Variants in MAGI2 observed in about 807,000 individuals in gnomAD.
MAGI2 encodes membrane-associated guanylate kinase, WW and PDZ domain-containing protein 2.
Under a neutral mutation model 133.3 loss-of-function variants are expected in MAGI2, and 35 were observed. That is an observed-to-expected ratio of 0.26 (90% CI 0.20 to 0.35). The LOEUF is 0.35. MAGI2 is among the 10% of genes least tolerant of loss of function. The probability of loss-of-function intolerance (pLI) is 1.00; values close to 1 mark genes in which losing one functional copy is unlikely to be tolerated. For missense variants in MAGI2, 1,636 were observed against 1,863.4 expected (o/e 0.88, Z 2.25); for synonymous variants, 729 against 710.6 (o/e 1.03, Z -0.41).
intron 9 of MAGI2, among the ~76,000 whole-genome samples, chr7:78,308,441 C>T (rs1370178793): frequency 6.6e-6 from 1 of 152,050 alleles, no homozygotes; most frequent in East Asian, 1.9e-4. Flanking sequence ...AATTAAAAGG[C>T]TTCTTATTTA....
At chr7:78,329,246 C>A (rs1788921000) in intron 9 of MAGI2, among the ~76,000 whole-genome samples, 3 of 152,180 alleles carry the variant, frequency 2.0e-5, no homozygotes. Flanking sequence ...CTCCAGTGCA[C>A]TCTATCTGTA....
At chr7:79,019,403 T>C (rs1011225238) in intron 1 of MAGI2, among the ~76,000 whole-genome samples, 1 of 152,136 alleles carries the variant, frequency 6.6e-6, no homozygotes, top group African/African-American at 2.4e-5. Flanking sequence ...TCATTCTCTA[T>C]CCTGCCACCC....
In MAGI2 at chr7:78,256,584, G is replaced by GT; in HGVS notation, c.1409-4dup. 4 of 1,600,170 alleles carry GT rather than the reference G, an allele frequency of 2.5e-6. No homozygotes were observed. In the South Asian group the frequency reaches 4.5e-5, roughly 18 times the overall value. On this transcript the variant is annotated splice_polypyrimidine_tract_variant and splice_region_variant and intron_variant, in intron 9 of 21. Transcript: ENST00000354212. The stretch of plus-strand genomic sequence containing the variant: ...ATTAATATAGACAATGACATCACCT[G>GT]TAAGAAAAAAAGAGATTGACAACAT...
Position 79,437,842 on chromosome 7 carries a change from A to G in MAGI2, c.301+15178T>C, listed in dbSNP as rs547903292. On this transcript the variant is annotated intron_variant, in intron 1 of 21. Coordinates refer to ENST00000354212, the MANE Select transcript of MAGI2 (RefSeq NM_012301.4). Reference sequence around the variant, plus strand: ...AGTAAAAATGTTATCTTTAGTGTTTATAAGTGATAAATTAATATTCTGTAT... The same window carrying G: ...AGTAAAAATGTTATCTTTAGTGTTTGTAAGTGATAAATTAATATTCTGTAT... Among the ~76,000 whole-genome samples the G allele has an allele frequency of 2.7e-4, 41 of 152,302 alleles. 1 individual carries two copies. The Middle Eastern group carries it at 0.017, about 63-fold the overall frequency.
At position 78,702,378 on chromosome 7, in the gene MAGI2, G is replaced by T. The variant is rs1818168070; in HGVS notation, c.419-75139C>A. Among the ~76,000 whole-genome samples the T allele has an allele frequency of 1.3e-5, 2 of 151,918 alleles. 1 individual carries two copies. Among genetic ancestry groups the T allele is most frequent in the South Asian group, 4.1e-4 (2 of 4,834 alleles). On this transcript the variant is annotated intron_variant, in intron 2 of 21. Coordinates refer to ENST00000354212, the MANE Select transcript of MAGI2 (RefSeq NM_012301.4). ...GTAATGTATAAAACATTACAAGCAA[G>T]AGTAAGGATTCCTAATACTTCTTGA...
chr7:78,739,744 C>T (rs1822210959), intron 2 of MAGI2, among the ~76,000 whole-genome samples: 1 of 152,112 alleles, frequency 6.6e-6, no homozygotes, highest in Admixed American at 6.5e-5. Context: ...CACACCTCCT[C>T]GGCAAATGGT....
At chr7:79,179,989 C>A (rs947274178) in intron 1 of MAGI2, among the ~76,000 whole-genome samples, 2 of 152,030 alleles carry the variant, frequency 1.3e-5, no homozygotes, top group African/African-American at 4.8e-5. Flanking sequence ...AAGAAGCAAC[C>A]TGTTGAATGG....
chr7:78,687,969 TAAAAAAAAAAAAAA>T (rs72030909), intron 2 of MAGI2, among the ~76,000 whole-genome samples: 6,543 of 67,412 alleles, frequency 0.097, 421 homozygotes, highest in East Asian at 0.23. Flanking sequence ...GTCCTTGCCT[TAAAAAAAAAAAAAA>T]AAAAAAAAAA....
intron 6 of MAGI2, among the ~76,000 whole-genome samples, chr7:78,405,638 A>G (rs1262617256): frequency 2.6e-5 from 4 of 152,100 alleles, no homozygotes; most frequent in Admixed American, 2.6e-4. Context: ...TAAACATAAA[A>G]CCTTTTTAGC....
chr7:79,113,123 G>T (rs1819074369), intron 1 of MAGI2, among the ~76,000 whole-genome samples: 1 of 152,152 alleles, frequency 6.6e-6, no homozygotes, highest in Admixed American at 6.5e-5. Flanking sequence ...TATCTTTTGT[G>T]CTTTCAATGT....
intron 2 of MAGI2, among the ~76,000 whole-genome samples, chr7:78,707,513 C>G (rs1314097499): frequency 6.6e-6 from 1 of 152,020 alleles, no homozygotes; most frequent in Admixed American, 6.6e-5. Context: ...ACAATAATAC[C>G]TATAGGCACT....
chr7:78,513,261 G>T (rs1167713325), intron 4 of MAGI2, among the ~76,000 whole-genome samples: 1 of 152,090 alleles, frequency 6.6e-6, no homozygotes, highest in East Asian at 1.9e-4. Context: ...GCTATTCTTT[G>T]GGGCAAAATT....
intron 1 of MAGI2, among the ~76,000 whole-genome samples, chr7:79,320,016 T>C (rs1839046483): frequency 6.6e-6 from 1 of 152,188 alleles, no homozygotes; most frequent in African/African-American, 2.4e-5. Flanking sequence ...ACAGAATTGA[T>C]TGGTGTTTTT....
chr7:78,790,178 G>T (rs1052342177), intron 2 of MAGI2, among the ~76,000 whole-genome samples: 8 of 151,942 alleles, frequency 5.3e-5, no homozygotes, highest in African/African-American at 1.2e-4. Context: ...TTGCTAGGTG[G>T]TATAATATAA....
At chr7:78,590,451 A>C (rs1803881697) in intron 3 of MAGI2, among the ~76,000 whole-genome samples, 1 of 152,134 alleles carries the variant, frequency 6.6e-6, no homozygotes, top group African/African-American at 2.4e-5. Context: ...ACATTGGGAA[A>C]ATTTTTCACA....
Position 78,589,109 on chromosome 7 carries a change from G to A in MAGI2, c.538+38011C>T, listed in dbSNP as rs149387083. Among the ~76,000 whole-genome samples the A allele has an allele frequency of 1.1e-4, 17 of 152,250 alleles. No homozygotes were observed. The East Asian group carries it at 2.9e-3, about 26-fold the overall frequency. On this transcript the variant is annotated intron_variant, in intron 3 of 21. Transcript: ENST00000354212. The stretch of plus-strand genomic sequence containing the variant: ...TCCCAAACTCCTAGCCTATCACAGA[G>A]CTGTTTCCTGATAATTTTACGGTCT...
chr7:78,108,687 A>T (rs956677825), intron 20 of MAGI2, among the ~76,000 whole-genome samples: 19 of 148,660 alleles, frequency 1.3e-4, no homozygotes, highest in East Asian at 2.0e-4. Context: ...CATATATGTG[A>T]GTGTATACAC....
chr7:78,400,178 T>C (rs577015850), intron 6 of MAGI2, among the ~76,000 whole-genome samples: 3 of 152,138 alleles, frequency 2.0e-5, no homozygotes, highest in Non-Finnish European at 4.4e-5. Context: ...AAACAGTAGG[T>C]TCTCTAAGAT....
rs1840866947 is a variant in MAGI2, at chr7:79,341,064, C to A, written c.301+111956G>T. Among the ~76,000 whole-genome samples, 5 of 152,206 alleles carry A rather than the reference C, an allele frequency of 3.3e-5. No homozygotes were observed. In the South Asian group the frequency reaches 1.0e-3, roughly 32 times the overall value. ...TTTGTCTGCATCTGAATACACAGGA[C>A]TCTAGTGGAAAGATCCTTAAATCTG... On this transcript the variant is annotated intron_variant, in intron 1 of 21. Coordinates refer to ENST00000354212, the MANE Select transcript of MAGI2 (RefSeq NM_012301.4).
Sources: allele counts gnomAD v4.1 joint callset (sites outside exome capture counted in the v4.1 genomes callset), GRCh38; gene constraint gnomAD v4.1.1; transcripts MANE v1.5; gene names NCBI Gene and HGNC (gene_info 2026-07-23, HGNC 2026-07-21).